The following SHROOM3 variants were observed in gnomAD, a reference collection of about 807,000 sequenced individuals.
SHROOM3 encodes protein Shroom3.
A neutral mutation model predicts 138.6 loss-of-function variants in SHROOM3; 47 were observed. The ratio of observed to expected loss-of-function variants is 0.34; its 90% CI spans 0.27 to 0.43. The LOEUF is 0.43. Ranked by LOEUF, SHROOM3 falls within the 20% of genes least tolerant of loss-of-function variation. The probability of loss-of-function intolerance (pLI) is 1.00; values close to 1 mark genes in which losing one functional copy is unlikely to be tolerated. For missense variants in SHROOM3, 2,491 were observed against 2,596.5 expected (o/e 0.96, Z 0.88); for synonymous variants, 1,062 against 1,063.3 (o/e 1.00, Z 0.02).
intron 1 of SHROOM3, among the ~76,000 whole-genome samples, chr4:76,555,081 C>A (rs1342918308): frequency 2.6e-5 from 4 of 151,586 alleles, no homozygotes. Flanking sequence ...CTATGTTATG[C>A]TGAGTTGTAT....
At chr4:76,461,701 T>C (rs1731145783) in intron 1 of SHROOM3, among the ~76,000 whole-genome samples, 1 of 151,910 alleles carries the variant, frequency 6.6e-6, no homozygotes, top group Non-Finnish European at 1.5e-5. Flanking sequence ...AGCAAAAGGC[T>C]TATGGTAATT....
chr4:76,631,199 TAA>T (rs1431816614), intron 2 of SHROOM3, among the ~76,000 whole-genome samples: 27 of 126,658 alleles, frequency 2.1e-4, no homozygotes, highest in Admixed American at 3.5e-4. Context: ...GACTTTTTTT[TAA>T]TCTTTTTTTT....
At chr4:76,658,110 C>T (rs1206585231) in intron 2 of SHROOM3, among the ~76,000 whole-genome samples, 1 of 152,220 alleles carries the variant, frequency 6.6e-6, no homozygotes, top group Admixed American at 6.5e-5. Context: ...ATAATAACTT[C>T]CCACAATCCC....
At chr4:76,710,114 A>C (rs952491453) in intron 2 of SHROOM3, 42 bp from the exon 3 acceptor site, 11 of 1,613,190 alleles carry the variant, frequency 6.8e-6, no homozygotes, top group Non-Finnish European at 8.5e-6. Context: ...CCTGTCCATG[A>C]ACACCATCAT....
At chr4:76,479,130 GT>G (rs1731549537) in intron 1 of SHROOM3, among the ~76,000 whole-genome samples, 1 of 151,998 alleles carries the variant, frequency 6.6e-6, no homozygotes, top group Non-Finnish European at 1.5e-5. Context: ...TGGAGAATGA[GT>G]TTGACAAATT....
intron 2 of SHROOM3, among the ~76,000 whole-genome samples, chr4:76,701,851 A>G (rs1409105540): frequency 1.3e-5 from 2 of 152,212 alleles, no homozygotes. Flanking sequence ...CAGGATAGGC[A>G]CTTCCATTTC....
chr4:76,453,556 T>C (rs538159493), intron 1 of SHROOM3, among the ~76,000 whole-genome samples: 9 of 152,128 alleles, frequency 5.9e-5, no homozygotes, highest in Non-Finnish European at 1.0e-4. Context: ...CTGTGCCCAA[T>C]AAATAATAGC....
chr4:76,536,131 A>G (rs1732949548), intron 1 of SHROOM3, among the ~76,000 whole-genome samples: 1 of 152,244 alleles, frequency 6.6e-6, no homozygotes, highest in Admixed American at 6.5e-5. Context: ...GCACTATTGA[A>G]TAAAGCCATT....
chr4:76,553,938 A>G (rs1275721954), intron 1 of SHROOM3, among the ~76,000 whole-genome samples: 2 of 152,242 alleles, frequency 1.3e-5, no homozygotes, highest in African/African-American at 4.8e-5. Context: ...TGATACATTT[A>G]TTACAACTGA....
intron 4 of SHROOM3, 76 bp from the exon 5 acceptor site, chr4:76,738,679 CATTTAT>C: frequency 6.5e-7 from 1 of 1,528,448 alleles, no homozygotes; most frequent in Non-Finnish European, 9.1e-7. Context: ...CACAAGAGAA[CATTTAT>C]AAGCTGGGTC....
intron 4 of SHROOM3, 35 bp from the exon 5 acceptor site, chr4:76,738,726 G>A (rs761805227): frequency 6.2e-7 from 1 of 1,611,286 alleles, no homozygotes; most frequent in Non-Finnish European, 8.5e-7. Context: ...AATGATAACA[G>A]CTCAGTGGTA....
At chr4:76,536,254 G>C (rs4859691) in intron 1 of SHROOM3, among the ~76,000 whole-genome samples, 103,321 of 152,034 alleles carry the variant, frequency 0.68, 35,481 homozygotes, top group East Asian at 0.94. Flanking sequence ...TGCAGGGACA[G>C]TTGATGGAAT....
intron 1 of SHROOM3, among the ~76,000 whole-genome samples, chr4:76,439,592 T>A (rs1440945387): frequency 3.3e-5 from 5 of 151,552 alleles, no homozygotes. Flanking sequence ...TGAAAGAAAA[T>A]GCACATTAGC....
chr4:76,477,111 G>A (rs1365015909), intron 1 of SHROOM3, among the ~76,000 whole-genome samples: 2 of 152,070 alleles, frequency 1.3e-5, no homozygotes, highest in East Asian at 1.9e-4. Flanking sequence ...GGGACTACAG[G>A]TGCCCACCAC....
intron 2 of SHROOM3, chr4:76,587,348 T>C (rs1384587277): frequency 6.6e-6 from 1 of 152,190 alleles, no homozygotes; most frequent in Non-Finnish European, 1.5e-5. Context: ...GGATTTAAAT[T>C]TTTTTCATTG....
chr4:76,655,952 C>T (rs1736057250), intron 2 of SHROOM3, among the ~76,000 whole-genome samples: 1 of 152,166 alleles, frequency 6.6e-6, no homozygotes, highest in Admixed American at 6.5e-5. Context: ...AGGTTTTATA[C>T]TAGACCGGAA....
intron 6 of SHROOM3, among the ~76,000 whole-genome samples, chr4:76,751,863 G>A (rs1721634939): frequency 1.3e-5 from 2 of 152,186 alleles, no homozygotes; most frequent in Non-Finnish European, 2.9e-5. Flanking sequence ...CTGTTAGTGG[G>A]AATGTAAAAT....
chr4:76,530,726 C>T (rs111297315), intron 1 of SHROOM3, among the ~76,000 whole-genome samples: 2 of 152,086 alleles, frequency 1.3e-5, no homozygotes, highest in African/African-American at 4.8e-5. Flanking sequence ...CTTTAATTCC[C>T]GTGCCTGTAC....
At chr4:76,608,693 C>T (rs28689874) in intron 2 of SHROOM3, among the ~76,000 whole-genome samples, 8,175 of 74,308 alleles carry the variant, frequency 0.11, 1,018 homozygotes, top group East Asian at 0.16. Flanking sequence ...CAGCACAGCA[C>T]AGCACAGCAC....
Sources: gnomAD v4.1 joint callset for allele counts (sites outside exome capture counted in the v4.1 genomes callset) on GRCh38, gnomAD v4.1.1 for gene constraint, MANE v1.5 for transcripts, NCBI Gene and HGNC (gene_info 2026-07-23, HGNC 2026-07-21) for gene names.